Variants in PKN2 observed in about 807,000 individuals in gnomAD.
PKN2 encodes serine/threonine-protein kinase N2.
PKN2 carries 38 observed loss-of-function variants against 119.1 expected under a neutral mutation model. That is an observed-to-expected ratio of 0.32 (90% CI 0.25 to 0.42). PKN2 has a LOEUF of 0.42. Ranked by LOEUF, PKN2 falls within the 10% of genes least tolerant of loss-of-function variation. PKN2 has a pLI of 1.00. For synonymous variants in PKN2, 390 were observed against 384.9 expected (o/e 1.01, Z -0.15); for missense variants, 850 against 1,165.1 (o/e 0.73, Z 3.94).
chr1:88,784,955 C>A, intron 7 of PKN2, 131 bp downstream of exon 7: 1 of 481,470 alleles, frequency 2.1e-6, no homozygotes, highest in Non-Finnish European at 3.5e-6. Context: ...AATATTAAAA[C>A]CTGTGATGTC....
At chr1:88,779,775 T>C (rs932311368) in intron 6 of PKN2, among the ~76,000 whole-genome samples, 3 of 152,226 alleles carry the variant, frequency 2.0e-5, no homozygotes, top group Admixed American at 6.5e-5. Context: ...GTTAAACTTA[T>C]ACATCAAAAC....
chr1:88,712,641 A>G (rs1172198478), intron 1 of PKN2, among the ~76,000 whole-genome samples: 2 of 152,228 alleles, frequency 1.3e-5, no homozygotes, highest in East Asian at 1.9e-4. Context: ...AACATTAACA[A>G]TATACCATAA....
chr1:88,736,584 C>G (rs949372322), intron 1 of PKN2, among the ~76,000 whole-genome samples: 3 of 152,134 alleles, frequency 2.0e-5, no homozygotes, highest in Non-Finnish European at 4.4e-5. Flanking sequence ...AGACTGGTCT[C>G]AAACTCCTGA....
At chr1:88,729,046 C>T (rs1327302865) in intron 1 of PKN2, among the ~76,000 whole-genome samples, 2 of 152,016 alleles carry the variant, frequency 1.3e-5, no homozygotes, top group African/African-American at 2.4e-5. Flanking sequence ...AGGCATGTGC[C>T]ACCATGCCCG....
chr1:88,734,114 G>A (rs1331831767), intron 1 of PKN2, among the ~76,000 whole-genome samples: 1 of 150,496 alleles, frequency 6.6e-6, no homozygotes, highest in Non-Finnish European at 1.5e-5. Context: ...AGCAATGATT[G>A]TACCACTGCA....
chr1:88,812,760 A>G lies in PKN2; in HGVS notation c.2103-797A>G, dbSNP rs184871298. Among the ~76,000 whole-genome samples, 315 of 152,230 alleles carry G rather than the reference A, an allele frequency of 2.1e-3. 2 individuals are homozygous for G. Among genetic ancestry groups the G allele is most frequent in the Non-Finnish European group, 3.9e-3 (262 of 68,000 alleles). Reference sequence around the variant, plus strand: ...CTCAAAAAAACACACAACTATAGACAATGAAGAGAACATATTTGTCATCTA... The same window carrying G: ...CTCAAAAAAACACACAACTATAGACGATGAAGAGAACATATTTGTCATCTA... On this transcript the variant is annotated intron_variant, in intron 15 of 21. Coordinates refer to ENST00000370521, the MANE Select transcript of PKN2 (RefSeq NM_006256.4).
chr1:88,832,266 CAT>C (rs1351858027), intron 19 of PKN2, among the ~76,000 whole-genome samples: 2 of 151,948 alleles, frequency 1.3e-5, no homozygotes, highest in African/African-American at 4.8e-5. Flanking sequence ...TTTATTATAA[CAT>C]TTATTACCAT....
chr1:88,762,255 A>G (rs1669478230), intron 3 of PKN2, among the ~76,000 whole-genome samples: 1 of 152,240 alleles, frequency 6.6e-6, no homozygotes, highest in Non-Finnish European at 1.5e-5. Flanking sequence ...CACAGATCCA[A>G]AGTGAACAAG....
In PKN2 at chr1:88,833,400, G is replaced by A. The variant is rs2100941233; in HGVS notation, c.2907G>A (p.Glu969=). The A allele has an allele frequency of 6.2e-7, 1 of 1,613,384 alleles. No individual in the cohort carries two copies. Among genetic ancestry groups the A allele is most frequent in the African/African-American group, 1.3e-5 (1 of 74,998 alleles). ...PPREPRILSE[E]EQEMFRDFDY... is the part of the protein sequence containing the mutation. ...GAGAACCAAGGATACTTTCGGAAGA[G>A]GAGCAGGAAATGTTCAGAGATTTTG... Residue 969 remains glutamate, a synonymous_variant, in exon 22 of 22, where the codon GAG becomes GAA. Coordinates refer to ENST00000370521, the MANE Select transcript of PKN2 (RefSeq NM_006256.4).
intron 1 of PKN2, among the ~76,000 whole-genome samples, chr1:88,729,874 C>T: frequency 6.6e-6 from 1 of 151,832 alleles, no homozygotes; most frequent in Non-Finnish European, 1.5e-5. Context: ...TTTGCTGAAA[C>T]CCTGCCCTGA....
chr1:88,832,621 T>C (rs540669048), intron 19 of PKN2, 123 bp from the exon 20 acceptor site: 1 of 606,098 alleles, frequency 1.6e-6, no homozygotes, highest in South Asian at 2.4e-5. Context: ...TTGTTGTTGT[T>C]GTTGTTGTTG....
chr1:88,780,323 G>A (rs904920856), intron 6 of PKN2, among the ~76,000 whole-genome samples: 2 of 151,886 alleles, frequency 1.3e-5, no homozygotes, highest in Non-Finnish European at 2.9e-5. Flanking sequence ...AAACTATAAG[G>A]TATATCTTTT....
At chr1:88,736,677 G>C in intron 1 of PKN2, among the ~76,000 whole-genome samples, 1 of 152,082 alleles carries the variant, frequency 6.6e-6, no homozygotes, top group South Asian at 2.1e-4. Flanking sequence ...TCATGCCTTT[G>C]GCCTGCCCTG....
In PKN2 at chr1:88,807,331, G is replaced by C. The variant is rs1671586161; in HGVS notation, c.1822G>C (p.Asp608His). 1 of 1,571,950 alleles carries C rather than the reference G, an allele frequency of 6.4e-7. No homozygotes were observed. Among genetic ancestry groups the C allele is most frequent in the Admixed American group, 1.8e-5 (1 of 55,966 alleles). Residue 608 changes from aspartate (D) to histidine (H), a missense_variant, in exon 13 of 22, where the codon GAT (aspartate) becomes CAT (histidine). Asp to His is a moderately conservative substitution (Grantham distance 81). Transcript: ENST00000370521. ...TTTACAGGATTCAGAGACTGTTTTT[G>C]ATATTCAGAATGACAGAAATAGTAT... is the stretch of plus-strand genomic sequence containing the variant. ...IPGQDSETVFDIQNDRNSILP... is the reference protein window; with the variant it reads ...IPGQDSETVFHIQNDRNSILP...
chr1:88,712,718 C>G (rs1423380858), intron 1 of PKN2, among the ~76,000 whole-genome samples: 1 of 152,072 alleles, frequency 6.6e-6, no homozygotes, highest in Non-Finnish European at 1.5e-5. Flanking sequence ...TGTGAAGATT[C>G]CAGTTGACTA....
At chr1:88,809,140 C>A (rs973953314) in intron 15 of PKN2, among the ~76,000 whole-genome samples, 1 of 151,806 alleles carries the variant, frequency 6.6e-6, no homozygotes, top group Non-Finnish European at 1.5e-5. Context: ...TTATTTTTCA[C>A]CTCTGTTTCT....
chr1:88,771,714 T>A lies in PKN2; in HGVS notation c.820T>A (p.Ser274Thr). The A allele has an allele frequency of 6.2e-7, 1 of 1,614,006 alleles. No individual in the cohort carries two copies. Among genetic ancestry groups the A allele is most frequent in the Non-Finnish European group, 8.5e-7 (1 of 1,179,942 alleles). ...SSQKLDLLKY[S>T]LEQRLNEVPK... ...TCAGAAGTTGGACCTTTTAAAGTAT[T>A]CATTAGAGCAAAGATTAAACGAAGT... The change falls in exon 6 of 22, where the codon TCA becomes ACA. Residue 274 changes from serine to threonine, a missense_variant. Coordinates refer to ENST00000370521, the MANE Select transcript of PKN2 (RefSeq NM_006256.4).
intron 18 of PKN2, 77 bp from the exon 19 acceptor site, chr1:88,828,404 C>A: frequency 7.5e-7 from 1 of 1,337,154 alleles, no homozygotes; most frequent in Non-Finnish European, 1.0e-6. Context: ...TTTTGCCTCC[C>A]AAAGATAGCT....
intron 2 of PKN2, among the ~76,000 whole-genome samples, chr1:88,759,113 C>G (rs937326950): frequency 2.0e-5 from 3 of 152,182 alleles, no homozygotes; most frequent in African/African-American, 7.2e-5. Flanking sequence ...GCCTGTAATC[C>G]CAGCACTTTG....
Sources: gnomAD v4.1 joint callset for allele counts (sites outside exome capture counted in the v4.1 genomes callset) on GRCh38, gnomAD v4.1.1 for gene constraint, MANE v1.5 for transcripts, NCBI Gene and HGNC (gene_info 2026-07-23, HGNC 2026-07-21) for gene names.